Variants in WNT5A observed in about 807,000 individuals in gnomAD.
WNT5A encodes Wnt family member 5A, also known as protein Wnt-5a.
A neutral mutation model predicts 42.1 loss-of-function variants in WNT5A; 9 were observed. The ratio of observed to expected loss-of-function variants is 0.21; its 90% CI spans 0.13 to 0.37. WNT5A has a LOEUF of 0.37. Among genes scored for constraint, WNT5A ranks in the 10% least tolerant of loss-of-function variants. The pLI, the probability that WNT5A is intolerant of heterozygous loss-of-function variation, is 1.00. For missense variants in WNT5A, 426 were observed against 534.0 expected, an observed-to-expected ratio of 0.80 and a Z score of 1.99; for synonymous variants, 210 against 210.0, an observed-to-expected ratio of 1.00 and a Z score of 0.00.
chr3:55,488,823 C>A (rs911416766), upstream of WNT5A, among the ~76,000 whole-genome samples: 15 of 152,182 alleles, frequency 9.9e-5, no homozygotes, highest in Non-Finnish European at 1.8e-4. Flanking sequence ...CACTGGGGCT[C>A]CACGGAGACT....
upstream of WNT5A, among the ~76,000 whole-genome samples, chr3:55,492,229 T>C (rs201852771): frequency 1.6e-3 from 59 of 36,880 alleles, no homozygotes; most frequent in African/African-American, 8.9e-3. Flanking sequence ...TGGTGCTTTG[T>C]GGCGGGGGGG....
At chr3:55,489,544 C>A (rs1265491277), upstream of WNT5A, among the ~76,000 whole-genome samples, 1 of 152,070 alleles carries the variant, frequency 6.6e-6, no homozygotes, top group Admixed American at 6.5e-5. Context: ...GGACCCTTCC[C>A]CAGCCCTGGC....
At chr3:55,476,032 C>T (rs139264844) in intron 3 of WNT5A, among the ~76,000 whole-genome samples, 10 of 152,258 alleles carry the variant, frequency 6.6e-5, no homozygotes, top group African/African-American at 1.7e-4. Flanking sequence ...ATTCATGTAC[C>T]GCAATCAGTT....
chr3:55,488,180 G>A (rs1371342454), upstream of WNT5A: 3 of 152,548 alleles, frequency 2.0e-5, no homozygotes, highest in Admixed American at 1.3e-4. Flanking sequence ...GGGCACAACG[G>A]CGGCGGCGGA....
At chr3:55,500,934 T>A in the WNT5A span, among the ~76,000 whole-genome samples, 1 of 152,046 alleles carries the variant, frequency 6.6e-6, no homozygotes, top group African/African-American at 2.4e-5. Flanking sequence ...CCAACCAGAA[T>A]CAAAAAAGAG....
chr3:55,475,440 A>G (rs1233756262), intron 3 of WNT5A, among the ~76,000 whole-genome samples: 1 of 152,192 alleles, frequency 6.6e-6, no homozygotes, highest in Non-Finnish European at 1.5e-5. Flanking sequence ...ATGCAGCAGA[A>G]AGTATTTCTC....
At chr3:55,501,948 A>T in the WNT5A span, among the ~76,000 whole-genome samples, 1 of 152,308 alleles carries the variant, frequency 6.6e-6, no homozygotes, top group Non-Finnish European at 1.5e-5. Context: ...GGGCAAGGTG[A>T]GGTTTTGGTG....
chr3:55,493,867 G>C (rs2051687955), upstream of WNT5A: 3 of 152,224 alleles, frequency 2.0e-5, no homozygotes, highest in Admixed American at 2.0e-4. Context: ...AGTTTAATAA[G>C]AGAAATAGTT....
chr3:55,483,390 A>G lies in WNT5A; in HGVS notation c.7-2472T>C, dbSNP rs919130170. 5.3e-5 allele frequency among the ~76,000 whole-genome samples: 8 copies of G among 152,136 alleles called. No individual in the cohort carries two copies. The highest frequency in any genetic ancestry group is 1.4e-4 in the African/African-American group (6 of 41,428). On this transcript the variant is annotated intron_variant, in intron 1 of 4. Transcript: ENST00000264634. This position sits in a 1 kb window ranked among gnomAD's most constrained non-coding sequence, Gnocchi z 4.2. The stretch of plus-strand genomic sequence containing the variant: ...AGGCCCCACAAGTTTGAGACACTCA[A>G]AGAACTCACAGCGAACTCACACATA...
At chr3:55,504,639 T>C in the WNT5A span, among the ~76,000 whole-genome samples, 1 of 152,172 alleles carries the variant, frequency 6.6e-6, no homozygotes, top group East Asian at 1.9e-4. Flanking sequence ...TCATTTTGTA[T>C]TTTTAGTAGA....
rs559836923 is a variant in WNT5A, at chr3:55,474,499, C to T, written c.522G>A (p.Pro174=). 1.3e-6 allele frequency: 2 copies of T among 1,589,888 alleles called. No homozygotes were observed. Among genetic ancestry groups the T allele is most frequent in the South Asian group, 2.3e-5 (2 of 87,870 alleles). ...CGCAGCCGCCCCAGAGCCAGTCCCG[C>T]GGCAGGTCCTTGGGGCGCGCGGCGC... ...CSRAARPKDL[P]RDWLWGGCGD... Residue 174 remains proline (P), a synonymous_variant, in exon 4 of 5, where the codon CCG becomes CCA. Transcript: ENST00000264634.
At chr3:55,482,624 T>C (rs1050281056) in intron 1 of WNT5A, among the ~76,000 whole-genome samples, 4 of 152,164 alleles carry the variant, frequency 2.6e-5, no homozygotes, top group Admixed American at 2.0e-4. Flanking sequence ...GAAATGCTTA[T>C]GTGGTCCCCA....
upstream of WNT5A, among the ~76,000 whole-genome samples, chr3:55,492,823 T>A (rs1199392484): frequency 1.3e-5 from 2 of 152,220 alleles, no homozygotes; most frequent in African/African-American, 4.8e-5. Flanking sequence ...TATTATTATC[T>A]GCATTGTGGA....
At chr3:55,490,741 C>T (rs898902689), upstream of WNT5A, among the ~76,000 whole-genome samples, 1 of 152,178 alleles carries the variant, frequency 6.6e-6, no homozygotes, top group African/African-American at 2.4e-5. Context: ...AACTGGACCT[C>T]ACATGACAAG....
rs1454520699 is a variant in WNT5A, at chr3:55,466,718, C to A, written c.*3374G>T. The A allele has an allele frequency of 1.3e-5, 2 of 152,604 alleles. No individual in the cohort carries two copies. The highest frequency in any genetic ancestry group is 4.8e-5 in the African/African-American group (2 of 41,450). The allele number at this position is 152,604 out of a possible 1,614,324, so 9.5% of individuals were successfully genotyped here. A position where few individuals can be genotyped will look rare whatever the true frequency, so the allele number is the denominator to read the frequency against. On this transcript the variant is annotated 3_prime_UTR_variant, in exon 5 of 5. Transcript: ENST00000264634. ...CTCCAGGATGAGAAGAAAAAATACGCTGACACTGCTAAATCGGGTATATGT... is the reference window on the plus strand; with the variant it reads ...CTCCAGGATGAGAAGAAAAAATACGATGACACTGCTAAATCGGGTATATGT...
chr3:55,473,611 T>G (rs1401982166), intron 4 of WNT5A, among the ~76,000 whole-genome samples: 1 of 152,204 alleles, frequency 6.6e-6, no homozygotes, highest in East Asian at 1.9e-4. Context: ...CAGAGCTACT[T>G]TGTGATTGGC....
In WNT5A at chr3:55,470,544, A is replaced by G. The variant is rs770524527; in HGVS notation, c.691T>C (p.Tyr231His). Residue 231 changes from tyrosine to histidine, a missense_variant, in exon 5 of 5, where the codon TAC becomes CAC. Physicochemically the swap from Tyr to His is moderately conservative, Grantham distance 83. Around this residue, in one of 3 missense-constraint regions of WNT5A, gnomAD observed 358 missense variants for 468.1 expected, o/e 0.76. Transcript: ENST00000264634. Reference protein sequence around the residue: ...HNNEAGRRTVYNLADVACKCH... With the variant: ...HNNEAGRRTVHNLADVACKCH... ...TTGCAGGCCACATCAGCCAGGTTGT[A>G]CACCGTCTGCAGGGAAATGGGGGCA... 1.3e-6 allele frequency: 2 copies of G among 1,542,014 alleles called. No homozygotes were observed. The highest frequency in any genetic ancestry group is 1.3e-5 in the South Asian group (1 of 79,742).
chr3:55,467,609 T>G lies in WNT5A; in HGVS notation c.*2483A>C, dbSNP rs1006492780. 6.6e-6 allele frequency: 1 copy of G among 152,618 alleles called. No homozygotes were observed. Among genetic ancestry groups the G allele is most frequent in the Non-Finnish European group, 1.5e-5 (1 of 68,032 alleles). The allele number at this position is 152,618 out of a possible 1,614,324, so 9.5% of individuals were successfully genotyped here. A position where few individuals can be genotyped will look rare whatever the true frequency, so the allele number is the denominator to read the frequency against. On this transcript the variant is annotated 3_prime_UTR_variant, in exon 5 of 5. Transcript: ENST00000264634. Reference sequence around the variant, plus strand: ...TATACAAGTAACGTTTTATTTTATATTCTATCTTCCATTTGGCATAAGCCT... The same window carrying G: ...TATACAAGTAACGTTTTATTTTATAGTCTATCTTCCATTTGGCATAAGCCT...
Position 55,471,548 on chromosome 3 carries a change from G to C in WNT5A, c.685-998C>G, listed in dbSNP as rs538431136. Among the ~76,000 whole-genome samples, 4 of 152,364 alleles carry C rather than the reference G, an allele frequency of 2.6e-5. No individual in the cohort carries two copies. In the South Asian group the frequency reaches 6.2e-4, roughly 24 times the overall value. On this transcript the variant is annotated intron_variant, in intron 4 of 4. Coordinates refer to ENST00000264634, the MANE Select transcript of WNT5A (RefSeq NM_003392.7). ...ATTAGGGGAGATGTGGAAAGTGCTT[G>C]GCACTTAAGACACAGTAAATCTGGT... is the stretch of plus-strand genomic sequence containing the variant.
Sources: gnomAD v4.1 joint callset for allele counts (sites outside exome capture counted in the v4.1 genomes callset) on GRCh38, gnomAD v4.1.1 for gene constraint, gnomAD v4.1.1 regional missense constraint, Gnocchi (gnomAD v3.1) non-coding constraint, MANE v1.5 for transcripts, NCBI Gene and HGNC (gene_info 2026-07-23, HGNC 2026-07-21) for gene names.